NEK11: variants seen among roughly 807,000 people sequenced by gnomAD.
The protein encoded by NEK11 is serine/threonine-protein kinase Nek11.
Under a neutral mutation model 80.7 loss-of-function variants are expected in NEK11, and 72 were observed. The observed-to-expected ratio is 0.89, with a 90% CI of 0.74 to 1.08. NEK11 has a LOEUF of 1.08. Among genes scored for constraint, NEK11 ranks in the 50% least tolerant of loss-of-function variants. NEK11 has a pLI of 0.00. For synonymous variants in NEK11, 251 were observed against 260.7 expected (o/e 0.96, Z 0.36); for missense variants, 764 against 763.6 (o/e 1.00, Z -0.01).
At chr3:131,112,696 C>T (rs1298325701) in intron 5 of NEK11, among the ~76,000 whole-genome samples, 2 of 152,144 alleles carry the variant, frequency 1.3e-5, no homozygotes, top group South Asian at 2.1e-4. Context: ...AGAAGTAGCA[C>T]TTGACCCAAG....
chr3:131,051,605 C>T (rs1236443944), intron 3 of NEK11, among the ~76,000 whole-genome samples: 3 of 152,110 alleles, frequency 2.0e-5, no homozygotes, highest in Non-Finnish European at 2.9e-5. Flanking sequence ...AGATAACCTA[C>T]CAATCAGAGT....
At chr3:131,128,777 C>T (rs746757628) in intron 5 of NEK11, among the ~76,000 whole-genome samples, 10 of 152,146 alleles carry the variant, frequency 6.6e-5, no homozygotes, top group East Asian at 1.9e-4. Flanking sequence ...CCACTAGCAG[C>T]GAATGAGAGT....
At chr3:131,324,633 G>C (rs965539618) in intron 17 of NEK11, among the ~76,000 whole-genome samples, 3 of 152,194 alleles carry the variant, frequency 2.0e-5, no homozygotes, top group Non-Finnish European at 2.9e-5. Flanking sequence ...ATTCAGGAAG[G>C]ACTTCATCAA....
chr3:131,275,733 A>G (rs1329941939), intron 17 of NEK11, among the ~76,000 whole-genome samples: 2 of 152,202 alleles, frequency 1.3e-5, no homozygotes, highest in Non-Finnish European at 2.9e-5. Flanking sequence ...CCAGCCAGAG[A>G]GAGGAAATCT....
chr3:131,194,188 C>G (rs2093911361), intron 14 of NEK11, among the ~76,000 whole-genome samples: 1 of 152,100 alleles, frequency 6.6e-6, no homozygotes. Flanking sequence ...TTTCAGTTTT[C>G]CCAGTTATAT....
At position 131,129,163 on chromosome 3, in the gene NEK11, G is replaced by A. The variant is rs58765045; in HGVS notation, c.456-3582G>A. ...CCTCCCAGGTTCATGCCATTCTCCC[G>A]CCTCAGCCTCCCAAGTAGCTGGGAC... On this transcript the variant is annotated intron_variant, in intron 5 of 17. Coordinates refer to ENST00000383366, the MANE Select transcript of NEK11 (RefSeq NM_024800.5). 5.6e-3 allele frequency among the ~76,000 whole-genome samples: 786 copies of A among 140,996 alleles called. 6 individuals carry two copies. Among genetic ancestry groups the A allele is most frequent in the African/African-American group, 0.019 (710 of 38,026 alleles). The allele number at this position is 140,996 out of a possible 152,430, so 92.5% of individuals were successfully genotyped here. A position where few individuals can be genotyped will look rare whatever the true frequency, so the allele number is the denominator to read the frequency against.
chr3:131,138,443 T>C (rs1057087841), intron 7 of NEK11, among the ~76,000 whole-genome samples: 2 of 152,192 alleles, frequency 1.3e-5, no homozygotes, highest in African/African-American at 4.8e-5. Flanking sequence ...AGTCCCTGGC[T>C]CTGGGAGAGC....
At chr3:131,190,988 A>G (rs2093772654) in intron 14 of NEK11, among the ~76,000 whole-genome samples, 1 of 152,208 alleles carries the variant, frequency 6.6e-6, no homozygotes, top group Non-Finnish European at 1.5e-5. Flanking sequence ...CACATAGCCA[A>G]TAAAAGATAC....
intron 17 of NEK11, among the ~76,000 whole-genome samples, chr3:131,337,856 C>T (rs1002169399): frequency 6.6e-6 from 1 of 152,104 alleles, no homozygotes; most frequent in Non-Finnish European, 1.5e-5. Flanking sequence ...TCAGTTTCTT[C>T]AACTGTGAAA....
At chr3:131,249,010 T>G (rs868039399) in intron 16 of NEK11, among the ~76,000 whole-genome samples, 1 of 148,774 alleles carries the variant, frequency 6.7e-6, no homozygotes, top group African/African-American at 2.5e-5. Context: ...AGGCTGGGTG[T>G]TTTTTTTTTC....
intron 3 of NEK11, among the ~76,000 whole-genome samples, chr3:131,049,720 A>G (rs1350602801): frequency 2.6e-5 from 4 of 152,102 alleles, no homozygotes; most frequent in Admixed American, 2.0e-4. Flanking sequence ...TTTATTTCCT[A>G]TATTGCCTCA....
chr3:131,091,203 C>T (rs1401125552), intron 4 of NEK11, among the ~76,000 whole-genome samples: 1 of 152,196 alleles, frequency 6.6e-6, no homozygotes, highest in Non-Finnish European at 1.5e-5. Context: ...GTTCTCTCTT[C>T]CTGTTGATTT....
At chr3:131,178,435 TTTC>T (rs1440778905) in intron 14 of NEK11, among the ~76,000 whole-genome samples, 2 of 152,256 alleles carry the variant, frequency 1.3e-5, no homozygotes, top group Non-Finnish European at 1.5e-5. Context: ...ACAAGAATAT[TTTC>T]TTTTTTATAT....
At chr3:131,074,837 G>T (rs983490775) in intron 3 of NEK11, among the ~76,000 whole-genome samples, 1 of 152,124 alleles carries the variant, frequency 6.6e-6, no homozygotes, top group Admixed American at 6.6e-5. Context: ...CTCTATTTTA[G>T]CATTTATCAT....
intron 4 of NEK11, among the ~76,000 whole-genome samples, chr3:131,085,499 T>C (rs2075857453): frequency 6.6e-6 from 1 of 151,970 alleles, no homozygotes; most frequent in Admixed American, 6.6e-5. Flanking sequence ...ATGGGAAGGG[T>C]ATGGTTAAAG....
chr3:131,029,810 A>G lies in NEK11; in HGVS notation c.102A>G (p.Lys34=), dbSNP rs765124654. The G allele has an allele frequency of 6.2e-7, 1 of 1,614,228 alleles. No homozygotes were observed. Among genetic ancestry groups the G allele is most frequent in the Non-Finnish European group, 8.5e-7 (1 of 1,180,040 alleles). The change falls in exon 3 of 18, where the codon AAA becomes AAG. Residue 34 remains lysine (K), a synonymous_variant. Transcript: ENST00000383366. Reference sequence around the variant, plus strand: ...CAAGAAGATACGTGCTTCAACAAAAACTTGGCAGTGGAAGTTTTGGAACTG... The same window carrying G: ...CAAGAAGATACGTGCTTCAACAAAAGCTTGGCAGTGGAAGTTTTGGAACTG... ...LIARRYVLQQ[K]LGSGSFGTVY... is the part of the protein sequence containing the mutation.
intron 3 of NEK11, among the ~76,000 whole-genome samples, chr3:131,035,331 C>G (rs1370623280): frequency 2.6e-5 from 4 of 152,018 alleles, no homozygotes; most frequent in Non-Finnish European, 5.9e-5. Context: ...TGGTCTTAGA[C>G]CATAAGAGTA....
At chr3:131,232,303 C>T (rs6768031) in intron 15 of NEK11, among the ~76,000 whole-genome samples, 99,208 of 152,044 alleles carry the variant, frequency 0.65, 34,527 homozygotes, top group South Asian at 0.79. Context: ...ATGGACATGG[C>T]TTAGGGCTAC....
At chr3:131,066,958 A>G (rs1360520558) in intron 3 of NEK11, among the ~76,000 whole-genome samples, 2 of 151,796 alleles carry the variant, frequency 1.3e-5, no homozygotes, top group East Asian at 3.8e-4. Context: ...TCTGTGTCTT[A>G]GTTTCTTTAT....
Sources: allele counts gnomAD v4.1 joint callset (sites outside exome capture counted in the v4.1 genomes callset), GRCh38; gene constraint gnomAD v4.1.1; transcripts MANE v1.5; gene names NCBI Gene and HGNC (gene_info 2026-07-23, HGNC 2026-07-21).